Variants in ANKS1B observed in about 807,000 individuals in gnomAD.
The protein encoded by ANKS1B is ankyrin repeat and sterile alpha motif domain containing 1B.
A neutral mutation model predicts 148.3 loss-of-function variants in ANKS1B; 36 were observed. The ratio of observed to expected loss-of-function variants is 0.24; its 90% CI spans 0.19 to 0.32. The LOEUF is 0.32. Among genes scored for constraint, ANKS1B ranks in the 10% least tolerant of loss-of-function variants. The pLI is 1.00. For missense variants in ANKS1B, 1,157 were observed against 1,542.6 expected, an observed-to-expected ratio of 0.75 and a Z score of 4.19; for synonymous variants, 542 against 560.8, an observed-to-expected ratio of 0.97 and a Z score of 0.47.
At chr12:99,485,920 T>C (rs1033328296) in intron 10 of ANKS1B, among the ~76,000 whole-genome samples, 2 of 152,214 alleles carry the variant, frequency 1.3e-5, no homozygotes, top group African/African-American at 2.4e-5. Context: ...AGAAAATGTT[T>C]CAGTCATATC....
chr12:99,845,645 G>A (rs1466028719), intron 1 of ANKS1B, among the ~76,000 whole-genome samples: 2 of 152,130 alleles, frequency 1.3e-5, no homozygotes, highest in Non-Finnish European at 2.9e-5. Context: ...GAGAATTTTT[G>A]CAGTGATGCT....
intron 9 of ANKS1B, chr12:99,649,465 A>T (rs1452156611): frequency 7.7e-7 from 1 of 1,291,688 alleles, no homozygotes; most frequent in Non-Finnish European, 1.1e-6. Flanking sequence ...TAAAACCTAT[A>T]GTGCCTGATG....
At chr12:98,878,320 G>C (rs549921177) in intron 17 of ANKS1B, among the ~76,000 whole-genome samples, 1 of 151,610 alleles carries the variant, frequency 6.6e-6, no homozygotes, top group African/African-American at 2.4e-5. Context: ...GTTGCAATGA[G>C]CTGAGATGGT....
At chr12:99,814,765 G>A (rs555691439) in intron 2 of ANKS1B, among the ~76,000 whole-genome samples, 28 of 151,746 alleles carry the variant, frequency 1.8e-4, no homozygotes, top group African/African-American at 5.5e-4. Flanking sequence ...AAACAGTTAT[G>A]GTGTGAATCA....
At chr12:99,026,292 G>T (rs2099948713) in intron 17 of ANKS1B, among the ~76,000 whole-genome samples, 1 of 152,166 alleles carries the variant, frequency 6.6e-6, no homozygotes, top group African/African-American at 2.4e-5. Context: ...TCTGAACAGA[G>T]GCTGAGAAGA....
intron 9 of ANKS1B, among the ~76,000 whole-genome samples, chr12:99,528,928 T>TA (rs1382967238): frequency 1.3e-5 from 2 of 152,140 alleles, no homozygotes; most frequent in Admixed American, 6.6e-5. Context: ...TTGCTTGATT[T>TA]AAAAAAATTA....
chr12:99,278,537 T>C (rs944434367), intron 12 of ANKS1B, among the ~76,000 whole-genome samples: 1 of 152,180 alleles, frequency 6.6e-6, no homozygotes, highest in African/African-American at 2.4e-5. Context: ...TGCTTTTGTG[T>C]ACCCTCTTCT....
intron 1 of ANKS1B, among the ~76,000 whole-genome samples, chr12:99,865,195 A>T (rs568699724): frequency 6.6e-6 from 1 of 152,362 alleles, no homozygotes; most frequent in East Asian, 1.9e-4. Flanking sequence ...ACCCAACTGA[A>T]ATATGTTTTC....
At chr12:99,472,228 T>C (rs1208603643) in intron 10 of ANKS1B, among the ~76,000 whole-genome samples, 2 of 152,080 alleles carry the variant, frequency 1.3e-5, no homozygotes, top group Non-Finnish European at 2.9e-5. Context: ...TCCACTTAAA[T>C]ATCCTGCCGG....
chr12:99,663,879 C>T (rs903826880), intron 8 of ANKS1B, among the ~76,000 whole-genome samples: 31 of 152,120 alleles, frequency 2.0e-4, no homozygotes, highest in Admixed American at 1.9e-3. Flanking sequence ...ACATTATGTT[C>T]CTGCCTGCTG....
chr12:98,949,026 C>T (rs921306762), intron 17 of ANKS1B, among the ~76,000 whole-genome samples: 1 of 137,942 alleles, frequency 7.2e-6, no homozygotes, highest in African/African-American at 2.9e-5. Flanking sequence ...GATCTCGGCT[C>T]ACTGCAACCT....
chr12:99,727,702 A>G (rs1361881145), intron 8 of ANKS1B, among the ~76,000 whole-genome samples: 1 of 152,186 alleles, frequency 6.6e-6, no homozygotes, highest in Non-Finnish European at 1.5e-5. Flanking sequence ...ATCAAAAAGA[A>G]CAAAGCAGGA....
chr12:99,464,211 A>G (rs991762937), intron 10 of ANKS1B, among the ~76,000 whole-genome samples: 2 of 152,204 alleles, frequency 1.3e-5, no homozygotes, highest in African/African-American at 4.8e-5. Context: ...GCAAACTCCA[A>G]CAGACCTGCA....
intron 12 of ANKS1B, among the ~76,000 whole-genome samples, chr12:99,393,519 C>T (rs191845835): frequency 1.6e-4 from 25 of 152,272 alleles, no homozygotes; most frequent in Middle Eastern, 3.4e-3. Flanking sequence ...ATATTATGAA[C>T]GCAGTGAATG....
chr12:99,025,156 T>C (rs1182183658), intron 17 of ANKS1B, among the ~76,000 whole-genome samples: 1 of 152,172 alleles, frequency 6.6e-6, no homozygotes, highest in Non-Finnish European at 1.5e-5. Context: ...TGATTAACCA[T>C]CACCTAAAAG....
chr12:99,345,289 CCT>C (rs770045669), intron 12 of ANKS1B, among the ~76,000 whole-genome samples: 1 of 151,870 alleles, frequency 6.6e-6, no homozygotes, highest in Non-Finnish European at 1.5e-5. Flanking sequence ...TCTTTGCAGC[CCT>C]CTCTATGATA....
intron 9 of ANKS1B, among the ~76,000 whole-genome samples, chr12:99,633,703 T>C (rs1390568440): frequency 1.3e-5 from 2 of 152,102 alleles, no homozygotes; most frequent in East Asian, 3.9e-4. Flanking sequence ...ACAGGCAACC[T>C]AAAGAATGGG....
chr12:99,489,271 A>C (rs914317644), intron 10 of ANKS1B, among the ~76,000 whole-genome samples: 1 of 151,810 alleles, frequency 6.6e-6, no homozygotes, highest in Non-Finnish European at 1.5e-5. Flanking sequence ...AGTACCCACA[A>C]ATGTATATAC....
At chr12:99,279,841 C>T (rs2078165240) in intron 12 of ANKS1B, among the ~76,000 whole-genome samples, 1 of 151,768 alleles carries the variant, frequency 6.6e-6, no homozygotes, top group African/African-American at 2.4e-5. Context: ...TGGTGAAACC[C>T]CATCTCTAAA....
Sources: allele counts gnomAD v4.1 joint callset (sites outside exome capture counted in the v4.1 genomes callset), GRCh38; gene constraint gnomAD v4.1.1; transcripts MANE v1.5; gene names NCBI Gene and HGNC (gene_info 2026-07-23, HGNC 2026-07-21).